Variants in MIER1 observed in about 807,000 individuals in gnomAD.
MIER1 encodes MIER1 transcriptional regulator.
In MIER1, 40 loss-of-function variants were observed where a neutral mutation model predicts 75.7. The ratio of observed to expected loss-of-function variants is 0.53; its 90% CI spans 0.41 to 0.69. The LOEUF (loss-of-function observed/expected upper bound fraction) is 0.69, where lower values mean the gene tolerates loss of function less well. Among genes scored for constraint, MIER1 ranks in the 30% least tolerant of loss-of-function variants. MIER1 has a pLI of 0.00. For missense variants in MIER1, 574 were observed against 680.2 expected (o/e 0.84, Z 1.74); for synonymous variants, 213 against 223.4 (o/e 0.95, Z 0.42).
chr1:66,931,882 T>C (rs941110161), intron 2 of MIER1, among the ~76,000 whole-genome samples: 2 of 152,192 alleles, frequency 1.3e-5, no homozygotes, highest in African/African-American at 4.8e-5. Context: ...TTTCAGTGAA[T>C]ATCGGGTAAG....
At chr1:66,968,801 G>A (rs77403345) in intron 8 of MIER1, among the ~76,000 whole-genome samples, 2,445 of 152,230 alleles carry the variant, frequency 0.016, 69 homozygotes, top group African/African-American at 0.057. Context: ...TAACCACAGT[G>A]TATTTTAACC....
rs774432038 is a variant in MIER1, at chr1:66,946,177, A to G, written c.221A>G (p.Glu74Gly). The change falls in exon 4 of 14, where the codon GAA becomes GGA. Residue 74 changes from glutamate (E) to glycine (G), a missense_variant. By Grantham distance (98) the Glu-to-Gly change is moderately conservative. Transcript: ENST00000401041. ...GGTTCAGCAACATCAGATGACCATG[A>G]ATTTGATCCATCAGCTGACATGCTG... ...PGGSATSDDH[E>G]FDPSADMLVH... The G allele has an allele frequency of 2.3e-5, 37 of 1,610,758 alleles. No individual in the cohort carries two copies. Among genetic ancestry groups the G allele is most frequent in the Non-Finnish European group, 2.9e-5 (34 of 1,179,300 alleles).
At chr1:66,931,396 G>T (rs1653324002) in intron 2 of MIER1, among the ~76,000 whole-genome samples, 1 of 152,100 alleles carries the variant, frequency 6.6e-6, no homozygotes, top group Admixed American at 6.5e-5. Context: ...CTGAGAGTTC[G>T]AGATGATGTA....
At chr1:66,962,799 T>C (rs1277185435) in intron 7 of MIER1, among the ~76,000 whole-genome samples, 2 of 152,220 alleles carry the variant, frequency 1.3e-5, no homozygotes, top group Admixed American at 6.5e-5. Context: ...TGTTTTGCAG[T>C]TGTCTTACTA....
intron 3 of MIER1, among the ~76,000 whole-genome samples, chr1:66,945,267 GTATATATATATA>G (rs66525570): frequency 1.2e-3 from 170 of 141,878 alleles, no homozygotes; most frequent in Non-Finnish European, 1.7e-3. Context: ...TCTGGTGTGT[GTATATATATATA>G]TATATATATA....
chr1:66,945,922 T>C (rs541440259), intron 3 of MIER1, among the ~76,000 whole-genome samples: 38 of 152,194 alleles, frequency 2.5e-4, no homozygotes, highest in Non-Finnish European at 5.3e-4. Flanking sequence ...CCATTTATTA[T>C]TTACAATTTT....
At chr1:66,927,129 T>C (rs1234207054) in intron 2 of MIER1, among the ~76,000 whole-genome samples, 1 of 152,156 alleles carries the variant, frequency 6.6e-6, no homozygotes, top group African/African-American at 2.4e-5. Context: ...ATAGCCTCTA[T>C]AGAATTGTTC....
Position 66,981,694 on chromosome 1 carries a change from G to A in MIER1, c.1230-85G>A, listed in dbSNP as rs1665917240. The A allele has an allele frequency of 9.2e-5, 96 of 1,047,928 alleles. 1 individual carries two copies. In the South Asian group the frequency reaches 1.5e-3, roughly 16 times the overall value. 64.9% of individuals were successfully genotyped at this position (1,047,928 alleles called of 1,614,324 possible). ...GTTAAGTGAATATTAGGATATATTT[G>A]TTAAGAAAGCCTTCTGAATTTAACC... On this transcript the variant is annotated intron_variant, in intron 12 of 13. Transcript: ENST00000401041.
chr1:66,952,032 C>T (rs943873450), intron 4 of MIER1, among the ~76,000 whole-genome samples: 1 of 152,124 alleles, frequency 6.6e-6, no homozygotes, highest in African/African-American at 2.4e-5. Flanking sequence ...ATATCTAAAG[C>T]GCTTAACATA....
chr1:66,948,437 G>C (rs991169208), intron 4 of MIER1, among the ~76,000 whole-genome samples: 5 of 152,186 alleles, frequency 3.3e-5, no homozygotes, highest in Non-Finnish European at 7.3e-5. Context: ...TTCTATTACT[G>C]TTTATTGAAA....
At chr1:66,930,543 T>C in intron 2 of MIER1, 2 of 806,250 alleles carry the variant, frequency 2.5e-6, no homozygotes, top group Non-Finnish European at 3.8e-6. Flanking sequence ...GGCCATTCTC[T>C]GGGCGGGAGC....
chr1:66,930,148 C>T (rs2101031828), intron 2 of MIER1: 1 of 1,186,308 alleles, frequency 8.4e-7, no homozygotes, highest in Non-Finnish European at 1.1e-6. Flanking sequence ...CGCGCGCGCC[C>T]CTGCTCCGGC....
chr1:66,962,027 T>G (rs1186961897), intron 7 of MIER1, among the ~76,000 whole-genome samples: 1 of 152,190 alleles, frequency 6.6e-6, no homozygotes, highest in Non-Finnish European at 1.5e-5. Flanking sequence ...TTACCAAAAC[T>G]TCTAGACCAT....
rs866058292 is a variant in MIER1, at chr1:66,974,861, G to A, written c.1102-1734G>A. ...CTTAATCATAAGTTCTATTTTGAGG[G>A]CTTTTGTTGAAGATTTTTCATAATC... On this transcript the variant is annotated intron_variant, in intron 11 of 13. Transcript: ENST00000401041. Among the ~76,000 whole-genome samples, 14 of 152,206 alleles carry A rather than the reference G, an allele frequency of 9.2e-5. No individual in the cohort carries two copies. In the South Asian group the frequency reaches 2.7e-3, roughly 29 times the overall value.
At chr1:66,984,486 T>C in intron 13 of MIER1, 86 bp from the exon 14 acceptor site, 1 of 981,828 alleles carries the variant, frequency 1.0e-6, no homozygotes, top group East Asian at 2.4e-5. Flanking sequence ...GCTTCCTTGA[T>C]AACAATAACT....
rs143124684 is a variant in MIER1, at chr1:66,945,115, T to C, written c.194-1035T>C. ...TAGACTGTGTATTCAGATGACTGTA[T>C]ATTTCACATGACTATACAGTCATCC... On this transcript the variant is annotated intron_variant, in intron 3 of 13. Transcript: ENST00000401041. Among the ~76,000 whole-genome samples the C allele has an allele frequency of 2.7e-3, 415 of 152,198 alleles. 2 individuals carry two copies. The highest frequency in any genetic ancestry group is 4.8e-3 in the Non-Finnish European group (329 of 67,994).
In MIER1 at chr1:66,979,472, A is replaced by G. The variant is rs544077821; in HGVS notation, c.1230-2307A>G. On this transcript the variant is annotated intron_variant, in intron 12 of 13. Transcript: ENST00000401041. Reference sequence around the variant, plus strand: ...AAAGATTCTGCTACACATTGTCCCTATTTACTACCTGGAAGAATTGGGAAC... The same window carrying G: ...AAAGATTCTGCTACACATTGTCCCTGTTTACTACCTGGAAGAATTGGGAAC... 1.8e-4 allele frequency among the ~76,000 whole-genome samples: 27 copies of G among 152,270 alleles called. No individual in the cohort carries two copies. The South Asian group carries it at 3.7e-3, about 21-fold the overall frequency.
Position 66,926,070 on chromosome 1 carries a change from A to G in MIER1, c.68-72A>G, listed in dbSNP as rs1373684039. On this transcript the variant is annotated intron_variant, in intron 1 of 13. Coordinates refer to ENST00000401041, the MANE Select transcript of MIER1 (RefSeq NM_001077700.3). Reference sequence around the variant, plus strand: ...CCGACCATCTTTTTAAAAATGCGAAACAGGGTGGATGGTGAGCTTGTATCA... The same window carrying G: ...CCGACCATCTTTTTAAAAATGCGAAGCAGGGTGGATGGTGAGCTTGTATCA... The G allele has an allele frequency of 2.5e-6, 3 of 1,215,064 alleles. No individual in the cohort carries two copies. The African/African-American group carries it at 4.5e-5, about 18-fold the overall frequency. The allele number at this position is 1,215,064 out of a possible 1,614,324, so 75.3% of individuals were successfully genotyped here.
At chr1:66,977,634 G>T (rs554576772) in intron 12 of MIER1, among the ~76,000 whole-genome samples, 3 of 152,038 alleles carry the variant, frequency 2.0e-5, no homozygotes, top group Non-Finnish European at 4.4e-5. Context: ...ACCTCATTCA[G>T]TCTAGCTTTG....
Sources: allele counts gnomAD v4.1 joint callset (sites outside exome capture counted in the v4.1 genomes callset), GRCh38; gene constraint gnomAD v4.1.1; transcripts MANE v1.5; gene names NCBI Gene and HGNC (gene_info 2026-07-23, HGNC 2026-07-21).